Variants in RANBP9 observed in about 807,000 individuals in gnomAD.
The protein encoded by RANBP9 is RAN binding protein 9, also known as ran-binding protein 9.
A neutral mutation model predicts 84.3 loss-of-function variants in RANBP9; 15 were observed. The ratio of observed to expected loss-of-function variants is 0.18; its 90% confidence interval spans 0.12 to 0.27. The LOEUF (loss-of-function observed/expected upper bound fraction) is 0.27. Among genes scored for constraint, RANBP9 ranks in the 10% least tolerant of loss-of-function variants. The pLI is 1.00. For missense variants in RANBP9, 809 were observed against 912.8 expected (o/e 0.89, Z 1.46); for synonymous variants, 392 against 349.6 (o/e 1.12, Z -1.35).
intron 12 of RANBP9, among the ~76,000 whole-genome samples, chr6:13,630,048 A>T (rs1764735641): frequency 6.6e-6 from 1 of 152,106 alleles, no homozygotes; most frequent in African/African-American, 2.4e-5. Context: ...GAAGTGACAA[A>T]AAGAAGTGGA....
chr6:13,669,292 G>T (rs1765721418), intron 2 of RANBP9, among the ~76,000 whole-genome samples: 1 of 152,072 alleles, frequency 6.6e-6, no homozygotes, highest in Admixed American at 6.6e-5. Context: ...TGTTAAAATA[G>T]CAATACTCCC....
chr6:13,635,518 G>A (rs1234670355), intron 10 of RANBP9, among the ~76,000 whole-genome samples: 1 of 151,176 alleles, frequency 6.6e-6, no homozygotes, highest in Non-Finnish European at 1.5e-5. Context: ...ACACAGATGA[G>A]CAAAAACCAC....
intron 13 of RANBP9, 141 bp from the exon 14 acceptor site, chr6:13,622,633 G>T: frequency 1.1e-6 from 1 of 896,250 alleles, no homozygotes; most frequent in Non-Finnish European, 1.6e-6. Context: ...AGGTTTCTAA[G>T]CAAAAGACAG....
chr6:13,711,171 G>A lies in RANBP9; in HGVS notation c.335C>T (p.Pro112Leu), dbSNP rs1352319517. Residue 112 changes from proline to leucine, a missense_variant, in exon 1 of 14, where the codon CCC becomes CTC. Physicochemically the swap from Pro to Leu is moderately conservative, Grantham distance 98. This residue lies in a region of RANBP9 where 302 missense variants were observed against 240.1 expected (regional missense o/e 1.26). Transcript: ENST00000011619. ...GGTCGGGGCTCCTCCAGCCGGGCCG[G>A]GGCCCGCTGCAAGGCCCGGGGGAGC... is the stretch of plus-strand genomic sequence containing the variant. ...PPAPPGLAAG[P>L]GPAGGAPTPA... 7 of 1,431,418 alleles carry A rather than the reference G, an allele frequency of 4.9e-6. No individual in the cohort carries two copies. Among genetic ancestry groups the A allele is most frequent in the Non-Finnish European group, 6.4e-6 (7 of 1,096,338 alleles). 88.7% of individuals were successfully genotyped at this position (1,431,418 alleles called of 1,614,324 possible).
At chr6:13,702,602 T>A (rs1758002455) in intron 1 of RANBP9, among the ~76,000 whole-genome samples, 2 of 152,158 alleles carry the variant, frequency 1.3e-5, no homozygotes, top group Non-Finnish European at 2.9e-5. Flanking sequence ...TCTAACACAA[T>A]ACTTTCCAAA....
At chr6:13,652,127 TTC>T (rs1388491863) in intron 5 of RANBP9, among the ~76,000 whole-genome samples, 3 of 152,216 alleles carry the variant, frequency 2.0e-5, no homozygotes, top group Admixed American at 6.5e-5. Flanking sequence ...GGTATTCCCA[TTC>T]TCTGTTTTTT....
intron 9 of RANBP9, 57 bp downstream of exon 9, chr6:13,639,506 A>G: frequency 4.0e-6 from 6 of 1,497,778 alleles, no homozygotes; most frequent in Non-Finnish European, 4.6e-6. Context: ...AAAAGGAAAA[A>G]GGTTTAAGAT....
At chr6:13,696,286 G>A (rs1757823732) in intron 2 of RANBP9, among the ~76,000 whole-genome samples, 2 of 152,072 alleles carry the variant, frequency 1.3e-5, no homozygotes, top group South Asian at 2.1e-4. Flanking sequence ...TTTGGTTCCA[G>A]GCCCTACCAT....
intron 1 of RANBP9, among the ~76,000 whole-genome samples, chr6:13,705,179 G>A (rs754959216): frequency 9.9e-5 from 15 of 151,350 alleles, no homozygotes; most frequent in Admixed American, 6.6e-4. Context: ...CAAGGCAGGC[G>A]GATCACTTGA....
In RANBP9 at chr6:13,642,541, G is replaced by T. The variant is rs768706383; in HGVS notation, c.1163C>A (p.Ala388Asp). The change falls in exon 7 of 14, where the codon GCC becomes GAC. Residue 388 changes from alanine to aspartate, a missense_variant. Coordinates refer to ENST00000011619, the MANE Select transcript of RANBP9 (RefSeq NM_005493.3). Reference sequence around the variant, plus strand: ...GGTCTGGTCTGTAGATCTGGCAAAGGCCTCTGCTGTGGCACAGTACCCATG... The same window carrying T: ...GGTCTGGTCTGTAGATCTGGCAAAGTCCTCTGCTGTGGCACAGTACCCATG... ...VHHGYCATAE[A>D]FARSTDQTVL... The T allele has an allele frequency of 6.2e-7, 1 of 1,612,042 alleles. No homozygotes were observed. Among genetic ancestry groups the T allele is most frequent in the Non-Finnish European group, 8.5e-7 (1 of 1,178,678 alleles).
rs186966416 is a variant in RANBP9 at position 13,644,583 on chromosome 6, G to A, written c.1074C>T (p.Ile358=). The A allele has an allele frequency of 6.0e-5, 97 of 1,612,700 alleles. 1 individual carries two copies. Among genetic ancestry groups the A allele is most frequent in the South Asian group, 5.3e-4 (48 of 90,858 alleles). ...TCTGCCATTCTCCTTCTCGATCTCC[G>A]ATAGGAAATCGATCTATCTGTGCCT... is the stretch of plus-strand genomic sequence containing the variant. The part of the protein sequence containing the change: ...KIQAQIDRFP[I]GDREGEWQTM... The change falls in exon 6 of 14, where the codon ATC becomes ATT. Residue 358 remains isoleucine (I), a synonymous_variant. Coordinates refer to ENST00000011619, the MANE Select transcript of RANBP9 (RefSeq NM_005493.3).
In RANBP9 at chr6:13,696,852, G is replaced by T; in HGVS notation, c.616C>A (p.His206Asn). 1 of 1,613,426 alleles carries T rather than the reference G, an allele frequency of 6.2e-7. No homozygotes were observed. The highest frequency in any genetic ancestry group is 8.5e-7 in the Non-Finnish European group (1 of 1,179,614). Reference sequence around the variant, plus strand: ...ATCCCACAGGCTGCTGGTATTGGATGCGTGGCTCGAACTGACGCGGCATCT... The same window carrying T: ...ATCCCACAGGCTGCTGGTATTGGATTCGTGGCTCGAACTGACGCGGCATCT... ...PKDAASVRAT[H>N]PIPAACGIYY... The change falls in exon 2 of 14, where the codon CAT (histidine) becomes AAT (asparagine). Residue 206 changes from histidine (H) to asparagine (N), a missense_variant. This residue lies in a region of RANBP9 where 56 missense variants were observed against 88.2 expected (regional missense o/e 0.63). Transcript: ENST00000011619.
At chr6:13,701,218 T>A (rs1561695956) in intron 1 of RANBP9, among the ~76,000 whole-genome samples, 1 of 152,132 alleles carries the variant, frequency 6.6e-6, no homozygotes, top group Admixed American at 6.5e-5. Context: ...AATGACACTC[T>A]CAGTATCATA....
chr6:13,651,036 A>T (rs1351674281), intron 5 of RANBP9, among the ~76,000 whole-genome samples: 1 of 152,174 alleles, frequency 6.6e-6, no homozygotes, highest in East Asian at 1.9e-4. Flanking sequence ...GGAATACCTT[A>T]ATCAATTTAT....
At chr6:13,696,956 C>A in intron 1 of RANBP9, 60 bp from the exon 2 acceptor site, 1 of 1,371,942 alleles carries the variant, frequency 7.3e-7, no homozygotes, top group Non-Finnish European at 1.0e-6. Flanking sequence ...AAGATGAAAA[C>A]CTTAAACAAT....
At chr6:13,677,658 C>T (rs1296989541) in intron 2 of RANBP9, among the ~76,000 whole-genome samples, 1 of 152,124 alleles carries the variant, frequency 6.6e-6, no homozygotes, top group African/African-American at 2.4e-5. Context: ...TCACAAGTTA[C>T]CAATCTTAAA....
rs753820772 is a variant in RANBP9 at position 13,634,556 on chromosome 6, A to C, written c.1674-4T>G. ...TGTTTCCATGTCTACATCATTACTG[A>C]AAACGAAAAAACAAACCTAATTTTA... On this transcript the variant is annotated splice_polypyrimidine_tract_variant and splice_region_variant and intron_variant, in intron 10 of 13. Coordinates refer to ENST00000011619, the MANE Select transcript of RANBP9 (RefSeq NM_005493.3). 1.6e-5 allele frequency: 25 copies of C among 1,588,696 alleles called. No homozygotes were observed. In the South Asian group the frequency reaches 2.8e-4, roughly 18 times the overall value.
chr6:13,622,515 T>C (rs1240138984), intron 13 of RANBP9, 23 bp from the exon 14 acceptor site: 1 of 1,543,226 alleles, frequency 6.5e-7, no homozygotes, highest in East Asian at 2.3e-5. Flanking sequence ...AATTTAAAAA[T>C]GAGAACAGCA....
At position 13,711,537 on chromosome 6, in the gene RANBP9, A is replaced by C; in HGVS notation, c.-32T>G. The C allele has an allele frequency of 8.1e-7, 1 of 1,239,752 alleles. No homozygotes were observed. The highest frequency in any genetic ancestry group is 1.0e-6 in the Non-Finnish European group (1 of 987,540). 76.8% of individuals were successfully genotyped at this position (1,239,752 alleles called of 1,614,324 possible). A position where few individuals can be genotyped will look rare whatever the true frequency, so the allele number is the denominator to read the frequency against. On this transcript the variant is annotated 5_prime_UTR_variant, in exon 1 of 14. Transcript: ENST00000011619. ...CGCGACTCAGCCTGCGGCCACCTCC[A>C]CCTCTTCTCTCCTTCCTCCTCTGCT... is the stretch of plus-strand genomic sequence containing the variant.
Sources: gnomAD v4.1 joint callset for allele counts (sites outside exome capture counted in the v4.1 genomes callset) on GRCh38, gnomAD v4.1.1 for gene constraint, gnomAD v4.1.1 regional missense constraint, MANE v1.5 for transcripts, NCBI Gene and HGNC (gene_info 2026-07-23, HGNC 2026-07-21) for gene names.